Variants in TOP3A observed in about 807,000 individuals in gnomAD.
TOP3A encodes DNA topoisomerase 3-alpha.
Under a neutral mutation model 111.3 loss-of-function variants are expected in TOP3A, and 64 were observed. That is an observed-to-expected ratio of 0.57 (90% CI 0.47 to 0.71). The LOEUF (loss-of-function observed/expected upper bound fraction) is 0.71, where lower values mean the gene tolerates loss of function less well. Among genes scored for constraint, TOP3A ranks in the 30% least tolerant of loss-of-function variants. The pLI is 0.00. For missense variants in TOP3A, 1,104 were observed against 1,285.0 expected (o/e 0.86, Z 2.15); for synonymous variants, 484 against 485.1 (o/e 1.00, Z 0.03).
At chr17:18,293,330 G>C (rs973732080) in intron 10 of TOP3A, among the ~76,000 whole-genome samples, 6 of 152,230 alleles carry the variant, frequency 3.9e-5, no homozygotes, top group Non-Finnish European at 8.8e-5. Context: ...GTGGCACCCA[G>C]GCTGGAGTGT....
At chr17:18,275,950 C>T (rs566138258) in intron 18 of TOP3A, among the ~76,000 whole-genome samples, 2 of 152,294 alleles carry the variant, frequency 1.3e-5, no homozygotes, top group East Asian at 1.9e-4. Flanking sequence ...CCACCGCGCC[C>T]GACCGGCTGA....
intron 8 of TOP3A, among the ~76,000 whole-genome samples, chr17:18,301,627 A>T (rs1395955654): frequency 6.6e-6 from 1 of 152,238 alleles, no homozygotes; most frequent in Admixed American, 6.5e-5. Context: ...TTCTGGTGAT[A>T]GTATATGCCC....
chr17:18,308,223 CAAAAAAAAAAAAAAAAAAA>C (rs201230376), intron 3 of TOP3A, 109 bp downstream of exon 3: 3,698 of 244,376 alleles, frequency 0.015, 12 homozygotes, highest in East Asian at 0.025. Flanking sequence ...TTGTCTCCAA[CAAAAAAAAAAAAAAAAAAA>C]AAAAAAAAAA....
intron 1 of TOP3A, among the ~76,000 whole-genome samples, chr17:18,310,196 G>A (rs184526907): frequency 6.6e-6 from 1 of 152,148 alleles, no homozygotes; most frequent in Admixed American, 6.5e-5. Flanking sequence ...GGAGGCTGAG[G>A]TGGGCGGATC....
At chr17:18,302,753 A>G (rs767285584) in intron 5 of TOP3A, 30 bp from the exon 6 acceptor site, 2 of 1,596,718 alleles carry the variant, frequency 1.3e-6, no homozygotes, top group Admixed American at 3.4e-5. Context: ...ACCAAGGTCA[A>G]AGTCAAATCA....
chr17:18,309,828 G>C (rs924140233), intron 1 of TOP3A, among the ~76,000 whole-genome samples: 1 of 146,526 alleles, frequency 6.8e-6, no homozygotes, highest in South Asian at 2.3e-4. Context: ...TCCTGCCTCA[G>C]CCTCCCGAGT....
intron 9 of TOP3A, among the ~76,000 whole-genome samples, chr17:18,295,882 C>T (rs1389705880): frequency 6.6e-6 from 1 of 151,956 alleles, no homozygotes; most frequent in Admixed American, 6.6e-5. Flanking sequence ...ATTCTCCTGC[C>T]TCAGCCTCCC....
chr17:18,303,025 A>T, intron 5 of TOP3A: 1 of 279,196 alleles, frequency 3.6e-6, no homozygotes, highest in Non-Finnish European at 6.8e-6. Flanking sequence ...ACATAAAGAA[A>T]CTCCATTTTG....
intron 5 of TOP3A, chr17:18,302,957 T>C (rs1012785212): frequency 2.1e-6 from 1 of 465,202 alleles, no homozygotes; most frequent in Non-Finnish European, 3.8e-6. Flanking sequence ...TAATTTTAGC[T>C]AGTAACTGTG....
chr17:18,274,628 G>T lies in TOP3A; in HGVS notation c.*174C>A. The T allele has an allele frequency of 1.8e-6, 2 of 1,130,320 alleles. No individual in the cohort carries two copies. Among genetic ancestry groups the T allele is most frequent in the African/African-American group, 1.6e-5 (1 of 64,024 alleles). 70.0% of individuals were successfully genotyped at this position (1,130,320 alleles called of 1,614,324 possible). A position where few individuals can be genotyped will look rare whatever the true frequency, so the allele number is the denominator to read the frequency against. ...GGTCACTGTCCAGCAGAGCTGGCCT[G>T]CTCCAGAGTGATCTGGACCTTGTGC... On this transcript the variant is annotated 3_prime_UTR_variant, in exon 19 of 19. Transcript: ENST00000321105.
rs1260018264 is a variant in TOP3A at position 18,272,858 on chromosome 17, T to C, written c.*1944A>G. ...TTTTTAGAGACGGGGTTTCATCATA[T>C]TGGTCAGGCTGGTCTCGAACTCCTG... On this transcript the variant is annotated 3_prime_UTR_variant, in exon 19 of 19. Coordinates refer to ENST00000321105, the MANE Select transcript of TOP3A (RefSeq NM_004618.5). The C allele has an allele frequency of 1.3e-5, 2 of 152,134 alleles. No individual in the cohort carries two copies. The highest frequency in any genetic ancestry group is 2.4e-5 in the African/African-American group (1 of 41,408). 9.4% of individuals were successfully genotyped at this position (152,134 alleles called of 1,614,324 possible).
intron 17 of TOP3A, among the ~76,000 whole-genome samples, chr17:18,278,946 C>T (rs1201467131): frequency 6.6e-6 from 1 of 152,146 alleles, no homozygotes; most frequent in Non-Finnish European, 1.5e-5. Context: ...CCACTGCACT[C>T]CAGCCTGGTG....
At chr17:18,290,466 A>C in intron 13 of TOP3A, 91 bp downstream of exon 13, 5 of 1,348,152 alleles carry the variant, frequency 3.7e-6, no homozygotes, top group Non-Finnish European at 4.9e-6. Flanking sequence ...CAGCTGCATT[A>C]GAGAATGGTT....
chr17:18,274,469 C>T lies in TOP3A; in HGVS notation c.*333G>A, dbSNP rs538602930. The T allele has an allele frequency of 2.5e-4, 48 of 191,336 alleles. No homozygotes were observed. The highest frequency in any genetic ancestry group is 1.0e-3 in the African/African-American group (43 of 43,190). 11.9% of individuals were successfully genotyped at this position (191,336 alleles called of 1,614,324 possible). On this transcript the variant is annotated 3_prime_UTR_variant, in exon 19 of 19. Coordinates refer to ENST00000321105, the MANE Select transcript of TOP3A (RefSeq NM_004618.5). ...AAGGAAGCAGCCCTGGGAGCTTCTT[C>T]CTTTGGCACACAGTGGGCTTCAGCT...
Position 18,302,611 on chromosome 17 carries a change from C to T in TOP3A, c.612G>A (p.Val204=), listed in dbSNP as rs2142984116. The T allele has an allele frequency of 6.2e-7, 1 of 1,614,192 alleles. No individual in the cohort carries two copies. The highest frequency in any genetic ancestry group is 8.5e-7 in the Non-Finnish European group (1 of 1,180,032). Residue 204 remains valine (V), a synonymous_variant, in exon 6 of 19, where the codon GTG becomes GTA. Coordinates refer to ENST00000321105, the MANE Select transcript of TOP3A (RefSeq NM_004618.5). The part of the protein sequence containing the change: ...TEPDQRVSDA[V]DVRQELDLRI... ...TCAGGTCCAGCTCCTGCCTCACATC[C>T]ACAGCATCGCTCACCCTCTGATCAG...
chr17:18,306,211 A>G (rs1408874843), intron 4 of TOP3A, among the ~76,000 whole-genome samples: 4 of 152,210 alleles, frequency 2.6e-5, no homozygotes, highest in Admixed American at 2.6e-4. Flanking sequence ...CAAAAAATAA[A>G]TAAATAAATA....
rs1346612414 is a variant in TOP3A, at chr17:18,271,836, G to C, written c.*2966C>G. ...CTAGCACTTTGGGAGGCCGAGGCTG[G>C]TAGATCACCTGAGGTCACGAGTTTG... On this transcript the variant is annotated 3_prime_UTR_variant, in exon 19 of 19. Transcript: ENST00000321105. 1 of 425,460 alleles carries C rather than the reference G, an allele frequency of 2.4e-6. No homozygotes were observed. The highest frequency in any genetic ancestry group is 9.4e-5 in the East Asian group (1 of 10,588). The allele number at this position is 425,460 out of a possible 1,614,324, so 26.4% of individuals were successfully genotyped here.
intron 2 of TOP3A, 183 bp downstream of exon 2, chr17:18,308,699 T>G: frequency 2.0e-6 from 1 of 490,516 alleles, no homozygotes; most frequent in Non-Finnish European, 3.6e-6. Context: ...AGAGCTGAGA[T>G]GGGACCATAT....
rs745925745 is a variant in TOP3A, at chr17:18,305,232, A to G, written c.391-12T>C. The G allele has an allele frequency of 6.9e-6, 11 of 1,605,386 alleles. No homozygotes were observed. Among genetic ancestry groups the G allele is most frequent in the South Asian group, 1.1e-5 (1 of 90,916 alleles). On this transcript the variant is annotated splice_polypyrimidine_tract_variant and intron_variant, in intron 4 of 18. Transcript: ENST00000321105. Reference sequence around the variant, plus strand: ...CGTTCCAAAGTTTTCTTAAGTTCGCAGTGGAATAAGAGTGGTGAGAACAGA... The same window carrying G: ...CGTTCCAAAGTTTTCTTAAGTTCGCGGTGGAATAAGAGTGGTGAGAACAGA...
Sources: gnomAD v4.1 joint callset for allele counts (sites outside exome capture counted in the v4.1 genomes callset) on GRCh38, gnomAD v4.1.1 for gene constraint, MANE v1.5 for transcripts, NCBI Gene and HGNC (gene_info 2026-07-23, HGNC 2026-07-21) for gene names.